The following CFAP251 variants were observed in gnomAD, a reference collection of about 807,000 sequenced individuals.
CFAP251 encodes the protein cilia- and flagella-associated protein 251.
In CFAP251, 93 loss-of-function variants were observed where a neutral mutation model predicts 126.7. The observed-to-expected ratio is 0.73, with a 90% CI of 0.62 to 0.87. The LOEUF (loss-of-function observed/expected upper bound fraction) is 0.87. Among genes scored for constraint, CFAP251 ranks in the 40% least tolerant of loss-of-function variants. CFAP251 has a pLI of 0.00. For missense variants in CFAP251, 1,287 were observed against 1,389.2 expected, an observed-to-expected ratio of 0.93 and a Z score of 1.17; for synonymous variants, 503 against 506.9, an observed-to-expected ratio of 0.99 and a Z score of 0.10.
intron 21 of CFAP251, among the ~76,000 whole-genome samples, chr12:122,003,324 C>T (rs929826065): frequency 8.5e-5 from 13 of 152,136 alleles, no homozygotes; most frequent in South Asian, 2.1e-4. Flanking sequence ...GTAATCCCAG[C>T]GCTTTGGGAG....
chr12:121,952,563 T>C (rs1881571568), intron 9 of CFAP251: 1 of 152,208 alleles, frequency 6.6e-6, no homozygotes, highest in African/African-American at 2.4e-5. Context: ...GTGAACCAGA[T>C]GTTGAGAAAA....
intron 19 of CFAP251, among the ~76,000 whole-genome samples, chr12:121,980,416 T>TC (rs1882592223): frequency 6.6e-6 from 1 of 151,618 alleles, no homozygotes; most frequent in South Asian, 2.1e-4. Flanking sequence ...TTCTTTTTTT[T>TC]TTTTTTTTTG....
At chr12:121,998,906 A>G (rs1289976809) in intron 19 of CFAP251, 1 of 150,550 alleles carries the variant, frequency 6.6e-6, no homozygotes, top group Non-Finnish European at 1.5e-5. Flanking sequence ...AAAAAAAAAA[A>G]AAAAAAAAAA....
chr12:121,943,016 T>C (rs767422388), intron 7 of CFAP251, 41 bp downstream of exon 7: 2 of 1,607,766 alleles, frequency 1.2e-6, no homozygotes, highest in Non-Finnish European at 8.5e-7. Flanking sequence ...CCTGAAGTTA[T>C]ACAGGTGCAA....
At position 121,954,230 on chromosome 12, in the gene CFAP251, C is replaced by T; in HGVS notation, c.1431C>T (p.Arg477=). The T allele has an allele frequency of 2.5e-6, 4 of 1,614,162 alleles. No homozygotes were observed. Among genetic ancestry groups the T allele is most frequent in the African/African-American group, 1.3e-5 (1 of 75,024 alleles). Residue 477 remains arginine (R), a synonymous_variant, in exon 10 of 22, where the codon CGC becomes CGT. Coordinates refer to ENST00000288912, the MANE Select transcript of CFAP251 (RefSeq NM_144668.6). ...EGKLVVWDIH[R]PPSSASTFLG... ...AGCTGGTTGTCTGGGACATACACCG[C>T]CCACCCTCATCTGCCTCCACCTTTT...
chr12:121,942,476 C>T (rs1213723624), intron 5 of CFAP251, 58 bp from the exon 6 acceptor site: 1 of 1,295,968 alleles, frequency 7.7e-7, no homozygotes, highest in Admixed American at 1.9e-5. Flanking sequence ...TGCCCTGGGA[C>T]TCTCTGGGAA....
chr12:121,983,988 C>T (rs1281634047), intron 19 of CFAP251, among the ~76,000 whole-genome samples: 2 of 152,232 alleles, frequency 1.3e-5, no homozygotes, highest in African/African-American at 4.8e-5. Flanking sequence ...GCCGCTCCCC[C>T]TCCTTCAGGA....
chr12:121,975,452 G>T, intron 18 of CFAP251, 90 bp from the exon 19 acceptor site: 2 of 1,579,962 alleles, frequency 1.3e-6, no homozygotes, highest in Non-Finnish European at 1.7e-6. Context: ...AGCTTAAAAG[G>T]TACTTTCTAG....
At chr12:121,957,824 T>C (rs1881783042) in intron 11 of CFAP251, among the ~76,000 whole-genome samples, 2 of 152,226 alleles carry the variant, frequency 1.3e-5, no homozygotes, top group South Asian at 4.1e-4. Flanking sequence ...AGTCTTTTGC[T>C]GCAGGTTGGT....
At chr12:122,002,699 G>T (rs558728576) in intron 21 of CFAP251, among the ~76,000 whole-genome samples, 1 of 151,920 alleles carries the variant, frequency 6.6e-6, no homozygotes, top group East Asian at 1.9e-4. Context: ...TCACCTTTTC[G>T]TGCACTGGAC....
intron 3 of CFAP251, among the ~76,000 whole-genome samples, chr12:121,928,838 A>G (rs1262065100): frequency 6.6e-6 from 1 of 151,582 alleles, no homozygotes; most frequent in Non-Finnish European, 1.5e-5. Context: ...ATGGGATTAC[A>G]GGTGCACACC....
intron 19 of CFAP251, among the ~76,000 whole-genome samples, chr12:121,982,645 TG>T (rs1882650060): frequency 1.3e-5 from 2 of 152,168 alleles, no homozygotes; most frequent in African/African-American, 4.8e-5. Context: ...CCCAAAGTGC[TG>T]GGATTACAGG....
In CFAP251 at chr12:121,978,205, A is replaced by C. The variant is rs534025126; in HGVS notation, c.3006+2520A>C. On this transcript the variant is annotated intron_variant, in intron 19 of 21. Coordinates refer to ENST00000288912, the MANE Select transcript of CFAP251 (RefSeq NM_144668.6). ...CAGGAGATCGAGACCATCCTGGCTA[A>C]CACGGTGAAACCCCGTCTCTACTAA... Among the ~76,000 whole-genome samples the C allele has an allele frequency of 6.8e-3, 1,033 of 150,940 alleles. 6 individuals carry two copies. The highest frequency in any genetic ancestry group is 0.037 in the South Asian group (179 of 4,804).
rs1881810476 is a variant in CFAP251, at chr12:121,958,527, T to C, written c.1981+5T>C. On this transcript the variant is annotated splice_donor_5th_base_variant and intron_variant, in intron 12 of 21. Transcript: ENST00000288912. The stretch of plus-strand genomic sequence containing the variant: ...GTCTGACCTACAACCCCGAAGGTAT[T>C]TTCATCTTATCAGCCTACCATCGGT... 6.2e-7 allele frequency: 1 copy of C among 1,614,018 alleles called. No individual in the cohort carries two copies. Among genetic ancestry groups the C allele is most frequent in the Admixed American group, 1.7e-5 (1 of 60,014 alleles).
chr12:121,991,253 C>T (rs1426441347), intron 19 of CFAP251, among the ~76,000 whole-genome samples: 2 of 152,072 alleles, frequency 1.3e-5, no homozygotes, highest in Non-Finnish European at 1.5e-5. Context: ...ACTAAGCTGC[C>T]GGGGAAATAG....
At chr12:121,968,413 C>T (rs1276458916) in intron 17 of CFAP251, among the ~76,000 whole-genome samples, 1 of 152,168 alleles carries the variant, frequency 6.6e-6, no homozygotes, top group Non-Finnish European at 1.5e-5. Context: ...CACCCCTGCT[C>T]CCTAAAATGC....
intron 19 of CFAP251, chr12:121,996,974 C>G (rs1000457427): frequency 3.9e-5 from 6 of 152,182 alleles, no homozygotes; most frequent in African/African-American, 1.4e-4. Flanking sequence ...CAACTGAAGT[C>G]TGAAAGGGAA....
At chr12:121,956,079 T>G (rs551916287) in intron 10 of CFAP251, among the ~76,000 whole-genome samples, 1 of 152,314 alleles carries the variant, frequency 6.6e-6, no homozygotes, top group Non-Finnish European at 1.5e-5. Context: ...TATGTCAAAG[T>G]CTTTTTTAAA....
intron 19 of CFAP251, among the ~76,000 whole-genome samples, chr12:121,990,998 A>G (rs916312067): frequency 6.6e-6 from 1 of 152,386 alleles, no homozygotes; most frequent in Middle Eastern, 3.4e-3. Flanking sequence ...GTAATAATTG[A>G]GAGACTTGTA....
Sources: allele counts gnomAD v4.1 joint callset (sites outside exome capture counted in the v4.1 genomes callset), GRCh38; gene constraint gnomAD v4.1.1; transcripts MANE v1.5; gene names NCBI Gene and HGNC (gene_info 2026-07-23, HGNC 2026-07-21).